The following HRG variants were observed in gnomAD, a reference collection of about 807,000 sequenced individuals.
HRG encodes histidine-rich glycoprotein.
In HRG, 26 loss-of-function variants were observed where a neutral mutation model predicts 29.5. That is an observed-to-expected ratio of 0.88 (90% CI 0.65 to 1.22). The LOEUF is 1.22. Among genes scored for constraint, HRG ranks in the 50% most tolerant of loss-of-function variants. HRG has a pLI of 0.00. For missense variants in HRG, 671 were observed against 654.5 expected (o/e 1.03, Z -0.28); for synonymous variants, 243 against 240.4 (o/e 1.01, Z -0.10).
intron 3 of HRG, 117 bp downstream of exon 3, chr3:186,670,145 A>G: frequency 2.8e-6 from 2 of 720,190 alleles, no homozygotes; most frequent in South Asian, 1.5e-5. Context: ...GTATTCATGT[A>G]TATCTATGAT....
chr3:186,678,075 G>A lies in HRG; in HGVS notation c.*192G>A. 1 of 592,984 alleles carries A rather than the reference G, an allele frequency of 1.7e-6. No homozygotes were observed. Among genetic ancestry groups the A allele is most frequent in the Non-Finnish European group, 3.0e-6 (1 of 337,036 alleles). The allele number at this position is 592,984 out of a possible 1,614,324, so 36.7% of individuals were successfully genotyped here. A position where few individuals can be genotyped will look rare whatever the true frequency, so the allele number is the denominator to read the frequency against. ...AAAGGAGAGGAAAGAACTCAGTGCT[G>A]CCTATTAGTAGTTAATTCTGTCACT... is the stretch of plus-strand genomic sequence containing the variant. On this transcript the variant is annotated 3_prime_UTR_variant, in exon 7 of 7. Coordinates refer to ENST00000232003, the MANE Select transcript of HRG (RefSeq NM_000412.5).
rs183667558 is a variant in HRG, at chr3:186,677,598, C to T, written c.1293C>T (p.His431=). The change falls in exon 7 of 7, where the codon CAC becomes CAT. Residue 431 remains histidine (H), a synonymous_variant. Transcript: ENST00000232003. ...PHNQGHCCHG[H]GPPPGHLRRR... is the part of the protein sequence containing the mutation. ...ACCAAGGTCACTGTTGCCATGGCCA[C>T]GGCCCACCACCTGGGCACTTAAGAA... is the stretch of plus-strand genomic sequence containing the variant. The T allele has an allele frequency of 2.5e-6, 4 of 1,614,150 alleles. No individual in the cohort carries two copies. Among genetic ancestry groups the T allele is most frequent in the Non-Finnish European group, 3.4e-6 (4 of 1,180,016 alleles).
At position 186,677,359 on chromosome 3, in the gene HRG, C is replaced by T; in HGVS notation, c.1054C>T (p.His352Tyr). 1 of 1,613,950 alleles carries T rather than the reference C, an allele frequency of 6.2e-7. No individual in the cohort carries two copies. Among genetic ancestry groups the T allele is most frequent in the Non-Finnish European group, 8.5e-7 (1 of 1,179,954 alleles). ...HNNNSSDLHP[H>Y]KHHSHEQHPH... ...TAATAATTCCAGTGACCTCCATCCC[C>T]ATAAGCATCATTCCCATGAACAGCA... Residue 352 changes from histidine to tyrosine, a missense_variant, in exon 7 of 7, where the codon CAT becomes TAT. Coordinates refer to ENST00000232003, the MANE Select transcript of HRG (RefSeq NM_000412.5).
chr3:186,677,201 C>T lies in HRG; in HGVS notation c.896C>T (p.Pro299Leu). 1 of 1,613,950 alleles carries T rather than the reference C, an allele frequency of 6.2e-7. No individual in the cohort carries two copies. Among genetic ancestry groups the T allele is most frequent in the Non-Finnish European group, 8.5e-7 (1 of 1,179,938 alleles). The change falls in exon 7 of 7, where the codon CCT becomes CTT. Residue 299 changes from proline to leucine, a missense_variant. Physicochemically the swap from Pro to Leu is moderately conservative, Grantham distance 98 (BLOSUM62 -3). Transcript: ENST00000232003. ...AAGCCACACGAACATGGACCCCCACCTCCTCCAGATGAAAGAGATCACTCA... is the reference window on the plus strand; with the variant it reads ...AAGCCACACGAACATGGACCCCCACTTCCTCCAGATGAAAGAGATCACTCA... ...PHKPHEHGPP[P>L]PPDERDHSHG...
At chr3:186,672,983 A>C in intron 5 of HRG, 116 bp downstream of exon 5, 1 of 764,462 alleles carries the variant, frequency 1.3e-6, no homozygotes, top group Non-Finnish European at 2.4e-6. Flanking sequence ...AGGAATGAGA[A>C]GGAGAAAATG....
In HRG at chr3:186,672,873, T is replaced by A; in HGVS notation, c.639+6T>A. On this transcript the variant is annotated splice_donor_region_variant and intron_variant, in intron 5 of 6. Coordinates refer to ENST00000232003, the MANE Select transcript of HRG (RefSeq NM_000412.5). ...ATTTCCCCAGACACCCCAATGTGAG[T>A]ATAAGAAATGTCTGTGATCGTTGAC... is the stretch of plus-strand genomic sequence containing the variant. 1 of 1,578,712 alleles carries A rather than the reference T, an allele frequency of 6.3e-7. No homozygotes were observed. Among genetic ancestry groups the A allele is most frequent in the Non-Finnish European group, 8.7e-7 (1 of 1,148,562 alleles).
In HRG at chr3:186,677,442, G is replaced by T; in HGVS notation, c.1137G>T (p.Gln379His). The T allele has an allele frequency of 6.3e-7, 1 of 1,593,434 alleles. No individual in the cohort carries two copies. The highest frequency in any genetic ancestry group is 8.5e-7 in the Non-Finnish European group (1 of 1,170,008). The change falls in exon 7 of 7, where the codon CAG becomes CAT. Residue 379 changes from glutamine (Q) to histidine (H), a missense_variant. Coordinates refer to ENST00000232003, the MANE Select transcript of HRG (RefSeq NM_000412.5). ...CTCATGAACATGATACCCATAGACA[G>T]CATCCCCATGGACACCACCCCCATG... ...HHPHEHDTHR[Q>H]HPHGHHPHGH... is the part of the protein sequence containing the mutation.
intron 6 of HRG, 60 bp from the exon 7 acceptor site, chr3:186,676,987 G>A (rs1579081955): frequency 6.2e-7 from 1 of 1,602,666 alleles, no homozygotes; most frequent in South Asian, 1.1e-5. Context: ...ATCAAGTCAA[G>A]TATCTAACAT....
At position 186,677,626 on chromosome 3, in the gene HRG, C is replaced by T. The variant is rs370685538; in HGVS notation, c.1321C>T (p.Arg441Ter). ...HGPPPGHLRR[R>*]GPGKGPRPFH... is the part of the protein sequence containing the mutation. Reference sequence around the variant, plus strand: ...CCCACCACCTGGGCACTTAAGAAGGCGAGGCCCAGGTAAAGGACCCCGTCC... The same window carrying T: ...CCCACCACCTGGGCACTTAAGAAGGTGAGGCCCAGGTAAAGGACCCCGTCC... The change falls in exon 7 of 7, where the codon CGA becomes TGA. Residue 441 changes from arginine (R) to a stop codon, truncating the protein, a stop_gained. Coordinates refer to ENST00000232003, the MANE Select transcript of HRG (RefSeq NM_000412.5). LOFTEE classifies it low-confidence loss of function (END_TRUNC). 3.0e-5 allele frequency: 48 copies of T among 1,614,112 alleles called. No homozygotes were observed. The highest frequency in any genetic ancestry group is 5.3e-5 in the African/African-American group (4 of 75,004).
intron 5 of HRG, chr3:186,674,451 G>C (rs1327557625): frequency 6.3e-6 from 1 of 159,546 alleles, no homozygotes; most frequent in African/African-American, 2.4e-5. Flanking sequence ...ATTAACATAG[G>C]TCTCTCTGAT....
At chr3:186,669,690 T>C (rs1020071396) in intron 2 of HRG, 7 of 520,024 alleles carry the variant, frequency 1.3e-5, no homozygotes, top group South Asian at 2.1e-5. Flanking sequence ...TTGAAAATGT[T>C]TGGGGTATGG....
chr3:186,673,086 A>G (rs1718857149), intron 5 of HRG: 1 of 619,074 alleles, frequency 1.6e-6, no homozygotes, highest in Non-Finnish European at 2.9e-6. Flanking sequence ...TAAGTGATTT[A>G]CACATCAGAT....
chr3:186,676,026 T>C (rs148829642), intron 6 of HRG, among the ~76,000 whole-genome samples: 1,526 of 152,152 alleles, frequency 0.01, 15 homozygotes, highest in Non-Finnish European at 0.018. Flanking sequence ...TGCGCCACCA[T>C]ACCTGGCTAA....
At chr3:186,675,016 T>G in intron 5 of HRG, 73 bp from the exon 6 acceptor site, 1 of 961,978 alleles carries the variant, frequency 1.0e-6, no homozygotes, top group Non-Finnish European at 1.7e-6. Context: ...TCTGAATGTC[T>G]GGAAGCTAAC....
intron 5 of HRG, chr3:186,673,846 C>T (rs1718885307): frequency 6.6e-6 from 1 of 152,142 alleles, no homozygotes; most frequent in Non-Finnish European, 1.5e-5. Context: ...ATTATTAATA[C>T]CACCTGGCAT....
Position 186,669,042 on chromosome 3 carries a change from A to G in HRG, c.291A>G (p.Pro97=), listed in dbSNP as rs943825400. The change falls in exon 2 of 7, where the codon CCA becomes CCG. Residue 97 remains proline, a synonymous_variant. Coordinates refer to ENST00000232003, the MANE Select transcript of HRG (RefSeq NM_000412.5). ...GTGAGCCACCTGATTCCAGACGTCC[A>G]TCTGAAATAGTAAGTAAAGAGGGCA... ...NDCEPPDSRR[P]SEIVIGQCKV... is the part of the protein sequence containing the mutation. 2.5e-6 allele frequency: 4 copies of G among 1,573,348 alleles called. No homozygotes were observed. In the African/African-American group the frequency reaches 5.4e-5, roughly 21 times the overall value.
intron 1 of HRG, 140 bp downstream of exon 1, chr3:186,666,354 T>C (rs1280804860): frequency 2.5e-6 from 2 of 791,798 alleles, no homozygotes; most frequent in East Asian, 5.2e-5. Flanking sequence ...CTGCTCTAAA[T>C]TGTTCTTTTT....
chr3:186,673,576 T>G (rs1222106213), intron 5 of HRG: 2 of 153,990 alleles, frequency 1.3e-5, no homozygotes, highest in Non-Finnish European at 2.9e-5. Flanking sequence ...AGTTTCTAAC[T>G]GATTAGGATT....
rs143855375 is a variant in HRG at position 186,677,072 on chromosome 3, C to T, written c.767C>T (p.Pro256Leu). ...GAACATGAGAACATCAATGGTGTAC[C>T]GCCTCATTTGGGACATCCCTTCCAC... ...PQEHENINGV[P>L]PHLGHPFHWG... Residue 256 changes from proline (P) to leucine (L), a missense_variant, in exon 7 of 7, where the codon CCG becomes CTG. Transcript: ENST00000232003. 3.7e-5 allele frequency: 60 copies of T among 1,613,868 alleles called. 1 individual carries two copies. Among genetic ancestry groups the T allele is most frequent in the African/African-American group, 1.7e-4 (13 of 74,988 alleles).
Sources: gnomAD v4.1 joint callset for allele counts (sites outside exome capture counted in the v4.1 genomes callset) on GRCh38, gnomAD v4.1.1 for gene constraint, MANE v1.5 for transcripts, NCBI Gene and HGNC (gene_info 2026-07-23, HGNC 2026-07-21) for gene names.